Variants in CPQ observed in about 807,000 individuals in gnomAD.
CPQ encodes Ser-Met dipeptidase.
Under a neutral mutation model 45.7 loss-of-function variants are expected in CPQ, and 37 were observed. The ratio of observed to expected loss-of-function variants is 0.81; its 90% CI spans 0.62 to 1.07. The LOEUF is 1.07. CPQ is among the 50% of genes least tolerant of loss of function. The probability of loss-of-function intolerance (pLI) is 0.00; values close to 1 mark genes in which losing one functional copy is unlikely to be tolerated. For synonymous variants in CPQ, 186 were observed against 205.8 expected, an observed-to-expected ratio of 0.90 and a Z score of 0.82; for missense variants, 537 against 572.9, an observed-to-expected ratio of 0.94 and a Z score of 0.64.
chr8:96,928,151 G>A (rs754391264), intron 4 of CPQ, among the ~76,000 whole-genome samples: 5 of 152,112 alleles, frequency 3.3e-5, no homozygotes, highest in Non-Finnish European at 5.9e-5. Flanking sequence ...TTACTCTCAT[G>A]AAGCATTTTC....
intron 5 of CPQ, among the ~76,000 whole-genome samples, chr8:96,986,396 C>T (rs1586481123): frequency 6.6e-6 from 1 of 152,274 alleles, no homozygotes; most frequent in South Asian, 2.1e-4. Flanking sequence ...ATAATCAGCT[C>T]TCAAAGATTT....
chr8:96,964,088 CTTTCTT>C (rs1185336444), intron 4 of CPQ, among the ~76,000 whole-genome samples: 1 of 117,842 alleles, frequency 8.5e-6, no homozygotes, highest in African/African-American at 3.2e-5. Flanking sequence ...CATGAGTTTT[CTTTCTT>C]TTTTTTTTTT....
At chr8:96,705,725 T>C (rs113010685) in intron 1 of CPQ, among the ~76,000 whole-genome samples, 3,646 of 152,186 alleles carry the variant, frequency 0.024, 161 homozygotes, top group African/African-American at 0.083. Context: ...TGACTATCTG[T>C]TTCCCATTTC....
chr8:96,772,291 T>C (rs942593757), intron 1 of CPQ, among the ~76,000 whole-genome samples: 7 of 152,190 alleles, frequency 4.6e-5, no homozygotes, highest in South Asian at 4.1e-4. Context: ...GAGCACTTAC[T>C]GATTAACTGA....
At chr8:96,846,232 G>T (rs774115048) in intron 3 of CPQ, among the ~76,000 whole-genome samples, 2 of 152,186 alleles carry the variant, frequency 1.3e-5, no homozygotes, top group African/African-American at 2.4e-5. Context: ...TGGCAGATAT[G>T]TATTGGTATA....
At chr8:96,812,257 A>G (rs751698328) in intron 2 of CPQ, among the ~76,000 whole-genome samples, 15 of 152,282 alleles carry the variant, frequency 9.9e-5, no homozygotes, top group South Asian at 6.2e-4. Flanking sequence ...TGCTTTCAAG[A>G]TTCTTTGGCA....
chr8:97,008,170 C>G (rs933368047), intron 5 of CPQ, among the ~76,000 whole-genome samples: 1 of 152,002 alleles, frequency 6.6e-6, no homozygotes, highest in Non-Finnish European at 1.5e-5. Context: ...TATCAGTTAT[C>G]ACTTGAAGAA....
intron 4 of CPQ, among the ~76,000 whole-genome samples, chr8:96,895,154 T>C (rs1812427772): frequency 6.6e-6 from 1 of 152,182 alleles, no homozygotes; most frequent in Non-Finnish European, 1.5e-5. Context: ...TAATAGAAGT[T>C]CCTGGTGAAA....
intron 7 of CPQ, among the ~76,000 whole-genome samples, chr8:97,083,451 A>G (rs959875862): frequency 6.6e-6 from 1 of 152,176 alleles, no homozygotes; most frequent in Non-Finnish European, 1.5e-5. Context: ...AGCATACACT[A>G]TAACCACCCT....
At chr8:96,904,824 T>C (rs1812555629) in intron 4 of CPQ, among the ~76,000 whole-genome samples, 1 of 152,114 alleles carries the variant, frequency 6.6e-6, no homozygotes, top group South Asian at 2.1e-4. Context: ...TTCTACAGAC[T>C]CCATGGGCAC....
intron 1 of CPQ, among the ~76,000 whole-genome samples, chr8:96,705,515 A>G (rs1460702276): frequency 6.6e-6 from 1 of 152,152 alleles, no homozygotes; most frequent in Non-Finnish European, 1.5e-5. Flanking sequence ...AGCAGATGGG[A>G]AACTTTTTGA....
intron 7 of CPQ, among the ~76,000 whole-genome samples, chr8:97,133,762 T>C (rs1812000755): frequency 6.6e-6 from 1 of 152,218 alleles, no homozygotes; most frequent in African/African-American, 2.4e-5. Context: ...TAAGTTGACA[T>C]GTAACTTCAC....
chr8:96,810,887 G>T (rs1337105004), intron 2 of CPQ, among the ~76,000 whole-genome samples: 1 of 152,136 alleles, frequency 6.6e-6, no homozygotes, highest in South Asian at 2.1e-4. Context: ...GTCCTCTATA[G>T]CACTTACTAG....
At position 97,116,841 on chromosome 8, in the gene CPQ, G is replaced by C. The variant is rs139146681; in HGVS notation, c.1256-26179G>C. Among the ~76,000 whole-genome samples, 5 of 152,338 alleles carry C rather than the reference G, an allele frequency of 3.3e-5. No homozygotes were observed. In the East Asian group the frequency reaches 9.6e-4, roughly 29 times the overall value. On this transcript the variant is annotated intron_variant, in intron 7 of 7. Transcript: ENST00000220763. Reference sequence around the variant, plus strand: ...CATCACAGAAAGGTAGATAATAGGAGGCCTAAGAGAAAGCTCAGTTGTCCT... The same window carrying C: ...CATCACAGAAAGGTAGATAATAGGACGCCTAAGAGAAAGCTCAGTTGTCCT...
At chr8:97,002,988 G>A (rs1309174816) in intron 5 of CPQ, among the ~76,000 whole-genome samples, 1 of 152,088 alleles carries the variant, frequency 6.6e-6, no homozygotes, top group Non-Finnish European at 1.5e-5. Context: ...TTTTCTTGTT[G>A]TACTGAACAA....
intron 2 of CPQ, among the ~76,000 whole-genome samples, chr8:96,795,772 G>T (rs1281714021): frequency 1.3e-5 from 2 of 151,920 alleles, no homozygotes; most frequent in Non-Finnish European, 2.9e-5. Flanking sequence ...GTAGAAAGAA[G>T]TATAGACTTT....
chr8:96,709,494 T>C (rs1349662466), intron 1 of CPQ, among the ~76,000 whole-genome samples: 3 of 152,180 alleles, frequency 2.0e-5, no homozygotes, highest in Non-Finnish European at 4.4e-5. Flanking sequence ...TATCCGCTTA[T>C]CTGTTGATGA....
At chr8:96,954,851 G>T (rs1380813482) in intron 4 of CPQ, among the ~76,000 whole-genome samples, 11 of 151,822 alleles carry the variant, frequency 7.2e-5, no homozygotes, top group African/African-American at 1.9e-4. Flanking sequence ...GCGGTGTTTG[G>T]TTTTTTTGTC....
At chr8:96,972,823 TAGGGGA>T (rs1243297724) in intron 5 of CPQ, among the ~76,000 whole-genome samples, 1 of 152,140 alleles carries the variant, frequency 6.6e-6, no homozygotes. Flanking sequence ...GCCCCATTCC[TAGGGGA>T]AGGGAAAGAA....
Sources: allele counts gnomAD v4.1 joint callset (sites outside exome capture counted in the v4.1 genomes callset), GRCh38; gene constraint gnomAD v4.1.1; transcripts MANE v1.5; gene names NCBI Gene and HGNC (gene_info 2026-07-23, HGNC 2026-07-21).